The following SLC35E2B variants were observed in gnomAD, a reference collection of about 807,000 sequenced individuals.
SLC35E2B encodes the protein solute carrier family 35, member E2B.
In SLC35E2B, 18 loss-of-function variants were observed where a neutral mutation model predicts 32.4. That is an observed-to-expected ratio of 0.56 (90% CI 0.38 to 0.82). The LOEUF (loss-of-function observed/expected upper bound fraction) is 0.82. SLC35E2B is among the 40% of genes least tolerant of loss of function. The pLI, the probability that SLC35E2B is intolerant of heterozygous loss-of-function variation, is 0.00. For synonymous variants in SLC35E2B, 132 were observed against 209.1 expected, an observed-to-expected ratio of 0.63 and a Z score of 3.18; for missense variants, 263 against 469.5, an observed-to-expected ratio of 0.56 and a Z score of 4.06.
chr1:1,666,274 G>C (rs1643543878), intron 9 of SLC35E2B, among the ~76,000 whole-genome samples: 1 of 152,228 alleles, frequency 6.6e-6, no homozygotes, highest in African/African-American at 2.4e-5. Flanking sequence ...GGGCTTGCCT[G>C]CTCCCTCGTC....
At chr1:1,678,510 C>T (rs562535646) in intron 2 of SLC35E2B, among the ~76,000 whole-genome samples, 2 of 152,246 alleles carry the variant, frequency 1.3e-5, no homozygotes, top group African/African-American at 2.4e-5. Flanking sequence ...GCCCATCACA[C>T]CGCCAGCTCA....
At chr1:1,688,124 C>T (rs187643218) in intron 2 of SLC35E2B, among the ~76,000 whole-genome samples, 8 of 152,034 alleles carry the variant, frequency 5.3e-5, no homozygotes, top group Admixed American at 5.2e-4. Flanking sequence ...AGGATCAGAA[C>T]CCCCAGTAAA....
At chr1:1,681,736 A>T (rs1459469653) in intron 2 of SLC35E2B, among the ~76,000 whole-genome samples, 1 of 150,626 alleles carries the variant, frequency 6.6e-6, no homozygotes, top group East Asian at 2.0e-4. Flanking sequence ...CTGTAATCCC[A>T]GCACTTTGGG....
In SLC35E2B at chr1:1,665,379, G is replaced by A. The variant is rs1445607675; in HGVS notation, c.*403C>T. ...GCCGGTCCAGGGCCTCAGGGCCTTCGATGGCTGGTGTGGGAAGCCGAGGGC... is the reference window on the plus strand; with the variant it reads ...GCCGGTCCAGGGCCTCAGGGCCTTCAATGGCTGGTGTGGGAAGCCGAGGGC... On this transcript the variant is annotated 3_prime_UTR_variant, in exon 10 of 10. Transcript: ENST00000617444. 3 of 434,496 alleles carry A rather than the reference G, an allele frequency of 6.9e-6. No homozygotes were observed. The highest frequency in any genetic ancestry group is 8.1e-6 in the Non-Finnish European group (2 of 247,046). 26.9% of individuals were successfully genotyped at this position (434,496 alleles called of 1,614,324 possible).
chr1:1,675,228 C>A (rs1369564611), intron 5 of SLC35E2B, among the ~76,000 whole-genome samples: 1 of 138,950 alleles, frequency 7.2e-6, no homozygotes, highest in African/African-American at 2.5e-5. Context: ...GTTAGGGCCA[C>A]AGACACAACC....
chr1:1,671,703 CATCCCCTCTT>C, intron 5 of SLC35E2B, 74 bp from the exon 6 acceptor site: 1 of 1,379,874 alleles, frequency 7.2e-7, no homozygotes, highest in Non-Finnish European at 9.5e-7. Flanking sequence ...AGGCTGTTTC[CATCCCCTCTT>C]ATGAAAGGAA....
chr1:1,687,578 A>C (rs949099296), intron 2 of SLC35E2B, among the ~76,000 whole-genome samples: 5 of 151,924 alleles, frequency 3.3e-5, no homozygotes, highest in Middle Eastern at 6.8e-3. Context: ...CTAAAAATAC[A>C]AAAAAAATTA....
At chr1:1,687,620 A>C (rs1355216194) in intron 2 of SLC35E2B, among the ~76,000 whole-genome samples, 4 of 151,946 alleles carry the variant, frequency 2.6e-5, no homozygotes, top group African/African-American at 9.7e-5. Context: ...CTGTAGTCCC[A>C]GCTACTTGGC....
intron 6 of SLC35E2B, chr1:1,671,097 G>C (rs4648609): frequency 0.64 from 98,100 of 153,810 alleles, 32,079 homozygotes; most frequent in Admixed American, 0.73. Flanking sequence ...GTGACACCAG[G>C]ACACAGATGG....
At chr1:1,690,590 T>C (rs1404404302) in intron 2 of SLC35E2B, among the ~76,000 whole-genome samples, 1 of 121,270 alleles carries the variant, frequency 8.2e-6, no homozygotes, top group Non-Finnish European at 1.7e-5. Context: ...AATACAAAAA[T>C]TAGCCAGGCG....
chr1:1,673,824 G>A (rs965569559), intron 5 of SLC35E2B, among the ~76,000 whole-genome samples: 36 of 151,764 alleles, frequency 2.4e-4, no homozygotes, highest in African/African-American at 7.5e-4. Flanking sequence ...TTAGACGGAC[G>A]CAGTGGTGGG....
At chr1:1,677,796 A>G (rs1643866612) in intron 2 of SLC35E2B, among the ~76,000 whole-genome samples, 1 of 151,552 alleles carries the variant, frequency 6.6e-6, no homozygotes, top group African/African-American at 2.4e-5. Flanking sequence ...AACCACACTT[A>G]CACCCGCTTC....
At chr1:1,681,845 C>T (rs547143283) in intron 2 of SLC35E2B, among the ~76,000 whole-genome samples, 29 of 150,766 alleles carry the variant, frequency 1.9e-4, no homozygotes, top group African/African-American at 6.8e-4. Flanking sequence ...ATTAGCCAGG[C>T]GTGGTGGCGG....
At chr1:1,678,043 C>T (rs959648903) in intron 2 of SLC35E2B, among the ~76,000 whole-genome samples, 2 of 151,984 alleles carry the variant, frequency 1.3e-5, no homozygotes, top group South Asian at 2.1e-4. Context: ...CTTCCTGCTT[C>T]GGGGGAGGCT....
chr1:1,670,310 T>G (rs998277828), intron 6 of SLC35E2B, 159 bp from the exon 7 acceptor site: 1 of 600,580 alleles, frequency 1.7e-6, no homozygotes, highest in Non-Finnish European at 2.9e-6. Context: ...TTAGTAGAGA[T>G]AGGGTTTCAC....
Position 1,683,995 on chromosome 1 carries a change from C to T in SLC35E2B, c.-148+6981G>A, listed in dbSNP as rs908055159. ...TCAAACCTTCATGTTTGGCCAGCGG[C>T]GGTGGCCCACACCTAGAACCCCAGT... On this transcript the variant is annotated intron_variant, in intron 2 of 9. Coordinates refer to ENST00000617444, the MANE Select transcript of SLC35E2B (RefSeq NM_001290264.2). 3.9e-5 allele frequency among the ~76,000 whole-genome samples: 6 copies of T among 152,288 alleles called. 1 individual carries two copies. The East Asian group carries it at 1.2e-3, about 29-fold the overall frequency.
At chr1:1,683,714 C>G (rs1268422761) in intron 2 of SLC35E2B, among the ~76,000 whole-genome samples, 1 of 151,972 alleles carries the variant, frequency 6.6e-6, no homozygotes, top group Non-Finnish European at 1.5e-5. Flanking sequence ...CCCCTACCCC[C>G]GCTCTCCAGG....
rs540523742 is a variant in SLC35E2B at position 1,663,941 on chromosome 1, G to C, written c.*1841C>G. On this transcript the variant is annotated 3_prime_UTR_variant, in exon 10 of 10. Coordinates refer to ENST00000617444, the MANE Select transcript of SLC35E2B (RefSeq NM_001290264.2). ...TGTAGTAGCCCACGCCTATATTCTC[G>C]ACACTACAGGAGGCTGAGTGGGAAG... 2 of 514,940 alleles carry C rather than the reference G, an allele frequency of 3.9e-6. No homozygotes were observed. Among genetic ancestry groups the C allele is most frequent in the East Asian group, 1.4e-4 (1 of 7,190 alleles). 31.9% of individuals were successfully genotyped at this position (514,940 alleles called of 1,614,324 possible).
intron 2 of SLC35E2B, among the ~76,000 whole-genome samples, chr1:1,680,736 G>A (rs1643893381): frequency 6.6e-6 from 1 of 151,636 alleles, no homozygotes. Flanking sequence ...CGCAGGAGGA[G>A]GCGATATCTA....
Sources: gnomAD v4.1 joint callset for allele counts (sites outside exome capture counted in the v4.1 genomes callset) on GRCh38, gnomAD v4.1.1 for gene constraint, MANE v1.5 for transcripts, NCBI Gene and HGNC (gene_info 2026-07-23, HGNC 2026-07-21) for gene names.